Variants in WDR27 observed in about 807,000 individuals in gnomAD.
The protein encoded by WDR27 is WD repeat domain 27, also known as WD repeat-containing protein 27.
Under a neutral mutation model 114.4 loss-of-function variants are expected in WDR27, and 100 were observed. The observed-to-expected ratio is 0.87, with a 90% CI of 0.74 to 1.03. WDR27 has a LOEUF of 1.03. WDR27 is among the 50% of genes least tolerant of loss of function. The pLI is 0.00. For synonymous variants in WDR27, 449 were observed against 423.1 expected (o/e 1.06, Z -0.75); for missense variants, 1,129 against 1,092.9 (o/e 1.03, Z -0.47).
At position 169,659,940 on chromosome 6, in the gene WDR27, C is replaced by T. The variant is rs750277841; in HGVS notation, c.1130-422G>A. ...TGAGCTGGGGAGGGGCAGGGATGGG[C>T]GGCTGAAGGGAAGGGCGTGTGTGAA... On this transcript the variant is annotated intron_variant, in intron 10 of 25. Coordinates refer to ENST00000448612, the MANE Select transcript of WDR27 (RefSeq NM_182552.5). This position sits in a 1 kb window ranked among gnomAD's most constrained non-coding sequence, Gnocchi z 4.3. Among the ~76,000 whole-genome samples, 3 of 151,664 alleles carry T rather than the reference C, an allele frequency of 2.0e-5. No homozygotes were observed. Among genetic ancestry groups the T allele is most frequent in the Non-Finnish European group, 4.4e-5 (3 of 67,938 alleles).
intron 21 of WDR27, among the ~76,000 whole-genome samples, chr6:169,621,684 A>G (rs1351142390): frequency 1.3e-5 from 2 of 152,012 alleles, no homozygotes; most frequent in Non-Finnish European, 2.9e-5. Context: ...ATACCCACAC[A>G]TGCATATACA....
At chr6:169,641,455 T>C (rs1369320707) in intron 17 of WDR27, among the ~76,000 whole-genome samples, 14 of 151,898 alleles carry the variant, frequency 9.2e-5, no homozygotes, top group Admixed American at 6.6e-4. Flanking sequence ...TCCCCTGTGG[T>C]GAGTGTGATG....
intron 25 of WDR27, among the ~76,000 whole-genome samples, chr6:169,535,412 G>A (rs1796095225): frequency 6.6e-6 from 1 of 152,132 alleles, no homozygotes; most frequent in Non-Finnish European, 1.5e-5. Context: ...CAATCAAAAG[G>A]TATTGGAGCC....
chr6:169,652,246 TTTG>T (rs543638663), intron 13 of WDR27, among the ~76,000 whole-genome samples: 43 of 152,158 alleles, frequency 2.8e-4, no homozygotes, highest in Admixed American at 1.0e-3. Context: ...TTGTTGTTGT[TTTG>T]TTGTTGTTGT....
chr6:169,578,760 T>C (rs1430043806), intron 24 of WDR27, among the ~76,000 whole-genome samples: 2 of 152,196 alleles, frequency 1.3e-5, no homozygotes, highest in Non-Finnish European at 2.9e-5. Flanking sequence ...ACAGTAGCTT[T>C]GGTTATTATT....
intron 6 of WDR27, chr6:169,666,631 G>C: frequency 1.0e-6 from 1 of 985,720 alleles, no homozygotes; most frequent in Non-Finnish European, 1.2e-6. Flanking sequence ...TGCTGTAGCT[G>C]TGTGGCCGTG....
chr6:169,607,874 C>T (rs1223874338), intron 22 of WDR27, among the ~76,000 whole-genome samples: 1 of 152,024 alleles, frequency 6.6e-6, no homozygotes, highest in Non-Finnish European at 1.5e-5. Flanking sequence ...CACAGTCATG[C>T]ATCACTTAAT....
chr6:169,528,770 G>A (rs759324160), intron 25 of WDR27, among the ~76,000 whole-genome samples: 2 of 152,128 alleles, frequency 1.3e-5, no homozygotes, highest in African/African-American at 2.4e-5. Context: ...CAAGTGATCC[G>A]CCCGCTTCAG....
intron 25 of WDR27, among the ~76,000 whole-genome samples, chr6:169,515,316 G>C (rs1370197440): frequency 6.6e-6 from 1 of 152,146 alleles, no homozygotes; most frequent in South Asian, 2.1e-4. Flanking sequence ...TTCGTAGCAA[G>C]TTCAAAACAG....
intron 2 of WDR27, among the ~76,000 whole-genome samples, chr6:169,687,932 A>G (rs965251953): frequency 3.3e-5 from 5 of 152,190 alleles, no homozygotes; most frequent in Non-Finnish European, 7.4e-5. Flanking sequence ...CTCAGCAATT[A>G]TGTGTGTGTG....
chr6:169,632,493 G>A (rs558973071), intron 21 of WDR27, among the ~76,000 whole-genome samples: 11 of 152,220 alleles, frequency 7.2e-5, no homozygotes, highest in Non-Finnish European at 1.3e-4. Context: ...TGTTTCTCCT[G>A]TAATGCCACC....
At chr6:169,486,947 T>A (rs959348027) in intron 25 of WDR27, among the ~76,000 whole-genome samples, 3 of 152,236 alleles carry the variant, frequency 2.0e-5, no homozygotes, top group African/African-American at 7.2e-5. Context: ...ATCCAAATTC[T>A]TGAGAACCTT....
At chr6:169,667,367 T>C (rs775103772) in intron 5 of WDR27, 180 bp from the exon 6 acceptor site, 4 of 1,226,434 alleles carry the variant, frequency 3.3e-6, no homozygotes, top group Non-Finnish European at 4.1e-6. Context: ...TATGTCAGAA[T>C]CAAAAAGAAA....
chr6:169,655,638 G>A (rs920883450), intron 13 of WDR27, among the ~76,000 whole-genome samples: 6 of 152,242 alleles, frequency 3.9e-5, no homozygotes, highest in Non-Finnish European at 2.9e-5. Flanking sequence ...ACTTCTCGGT[G>A]CCTCTTTGCC....
At chr6:169,557,230 G>A (rs1335576437) in intron 25 of WDR27, among the ~76,000 whole-genome samples, 1 of 152,252 alleles carries the variant, frequency 6.6e-6, no homozygotes, top group Non-Finnish European at 1.5e-5. Context: ...GAACCAGAAT[G>A]CGTGCAACAT....
chr6:169,597,760 G>T (rs1033585361), intron 23 of WDR27, among the ~76,000 whole-genome samples: 1 of 152,108 alleles, frequency 6.6e-6, no homozygotes. Flanking sequence ...GGTAGTGTCA[G>T]GCATGGCACT....
rs774853302 is a variant in WDR27, at chr6:169,582,902, A to G, written c.2457T>C (p.Phe819=). 1.2e-6 allele frequency: 2 copies of G among 1,613,834 alleles called. No individual in the cohort carries two copies. The highest frequency in any genetic ancestry group is 2.7e-5 in the African/African-American group (2 of 74,932). The change falls in exon 24 of 26, where the codon TTT becomes TTC. Residue 819 remains phenylalanine, a synonymous_variant. Coordinates refer to ENST00000448612, the MANE Select transcript of WDR27 (RefSeq NM_182552.5). ...AYVYEMGSST[F]SHRLAGHTDT... ...CTGTGTGCCCAGCCAGCCGGTGAGA[A>G]AACGTGCTTGAGCCCATTTCATACA...
At chr6:169,480,651 T>C (rs1034444498) in intron 25 of WDR27, among the ~76,000 whole-genome samples, 10 of 151,752 alleles carry the variant, frequency 6.6e-5, no homozygotes. Context: ...GGAGAACTTT[T>C]ATGTCTAGCT....
At chr6:169,484,420 C>A (rs747118662) in intron 25 of WDR27, among the ~76,000 whole-genome samples, 6 of 152,132 alleles carry the variant, frequency 3.9e-5, no homozygotes, top group African/African-American at 7.2e-5. Context: ...CTCCCATTCA[C>A]AATGGCCTCA....
Sources: gnomAD v4.1 joint callset for allele counts (sites outside exome capture counted in the v4.1 genomes callset) on GRCh38, gnomAD v4.1.1 for gene constraint, Gnocchi (gnomAD v3.1) non-coding constraint, MANE v1.5 for transcripts, NCBI Gene and HGNC (gene_info 2026-07-23, HGNC 2026-07-21) for gene names.